The following EPHA6 variants were observed in gnomAD, a reference collection of about 807,000 sequenced individuals.
The protein encoded by EPHA6 is EPH receptor A6.
A neutral mutation model predicts 112.0 loss-of-function variants in EPHA6; 50 were observed. The ratio of observed to expected loss-of-function variants is 0.45; its 90% CI spans 0.36 to 0.56. The LOEUF is 0.56. EPHA6 is among the 20% of genes least tolerant of loss of function. The probability of loss-of-function intolerance (pLI) is 0.00; values close to 1 mark genes in which losing one functional copy is unlikely to be tolerated. For synonymous variants in EPHA6, 529 were observed against 490.7 expected (o/e 1.08, Z -1.03); for missense variants, 1,280 against 1,417.4 (o/e 0.90, Z 1.56).
At chr3:97,182,004 G>A (rs1559779804) in intron 3 of EPHA6, among the ~76,000 whole-genome samples, 1 of 151,922 alleles carries the variant, frequency 6.6e-6, no homozygotes, top group African/African-American at 2.4e-5. Context: ...ATTTAAACTT[G>A]GAATGGAGAA....
chr3:97,302,427 A>C (rs1437053226), intron 5 of EPHA6, among the ~76,000 whole-genome samples: 1 of 150,982 alleles, frequency 6.6e-6, no homozygotes, highest in East Asian at 1.9e-4. Context: ...CTAAAGCCTG[A>C]TGTCATTACA....
intron 10 of EPHA6, among the ~76,000 whole-genome samples, chr3:97,503,303 C>G (rs1453517073): frequency 6.6e-6 from 1 of 151,944 alleles, no homozygotes; most frequent in Non-Finnish European, 1.5e-5. Context: ...ACACATAGTT[C>G]CAAAAAACAG....
chr3:97,086,925 T>C (rs2046921479), intron 3 of EPHA6, among the ~76,000 whole-genome samples: 1 of 152,300 alleles, frequency 6.6e-6, no homozygotes, highest in Non-Finnish European at 1.5e-5. Context: ...TTAAATCATA[T>C]GCAATTATCA....
At chr3:97,576,061 G>A (rs1455970973) in intron 11 of EPHA6, among the ~76,000 whole-genome samples, 5 of 152,056 alleles carry the variant, frequency 3.3e-5, no homozygotes, top group Admixed American at 3.3e-4. Context: ...ACACAGTGTG[G>A]GGAGTGAAGG....
chr3:97,019,770 C>T (rs1358138468), intron 3 of EPHA6, among the ~76,000 whole-genome samples: 3 of 152,012 alleles, frequency 2.0e-5, no homozygotes, highest in Admixed American at 6.6e-5. Flanking sequence ...CATGTATATA[C>T]ACACAATATA....
intron 3 of EPHA6, among the ~76,000 whole-genome samples, chr3:97,131,332 C>T (rs774648336): frequency 2.0e-5 from 3 of 151,952 alleles, no homozygotes; most frequent in Admixed American, 6.6e-5. Context: ...ACTTAATACA[C>T]CCTTGTCAAT....
intron 10 of EPHA6, among the ~76,000 whole-genome samples, chr3:97,521,970 C>A (rs2092551209): frequency 1.3e-5 from 2 of 150,930 alleles, no homozygotes; most frequent in Admixed American, 1.3e-4. Flanking sequence ...GTTCCCTGGT[C>A]TGGAGTGCAG....
chr3:97,340,378 G>T (rs756667705), intron 5 of EPHA6, among the ~76,000 whole-genome samples: 35 of 152,086 alleles, frequency 2.3e-4, no homozygotes, highest in Non-Finnish European at 4.6e-4. Flanking sequence ...TGGAGGTTTG[G>T]TTTATATAAG....
At chr3:97,038,011 T>C (rs1302328924) in intron 3 of EPHA6, among the ~76,000 whole-genome samples, 1 of 151,938 alleles carries the variant, frequency 6.6e-6, no homozygotes, top group Non-Finnish European at 1.5e-5. Flanking sequence ...CCAAACATGT[T>C]TAAGGATTGC....
At chr3:97,292,708 G>A (rs748307597) in intron 5 of EPHA6, among the ~76,000 whole-genome samples, 5 of 151,422 alleles carry the variant, frequency 3.3e-5, no homozygotes, top group Admixed American at 1.3e-4. Context: ...GAGGAGACCC[G>A]TGGTAGGTAG....
intron 2 of EPHA6, among the ~76,000 whole-genome samples, chr3:96,953,109 T>A (rs2041618894): frequency 6.6e-6 from 1 of 152,196 alleles, no homozygotes; most frequent in Non-Finnish European, 1.5e-5. Flanking sequence ...TTATAGCCTA[T>A]GTTTTTCTCA....
intron 2 of EPHA6, among the ~76,000 whole-genome samples, chr3:96,982,169 C>G (rs1285426463): frequency 1.3e-5 from 2 of 152,128 alleles, no homozygotes; most frequent in African/African-American, 2.4e-5. Context: ...TTAGATCTTT[C>G]CTGCTTTCTC....
At chr3:97,607,028 GA>G (rs775299505) in intron 12 of EPHA6, among the ~76,000 whole-genome samples, 4 of 151,054 alleles carry the variant, frequency 2.6e-5, no homozygotes, top group African/African-American at 7.2e-5. Context: ...ATAGAGTTTT[GA>G]GGTTGTTGAG....
intron 14 of EPHA6, among the ~76,000 whole-genome samples, chr3:97,711,757 A>C (rs2033979746): frequency 6.6e-6 from 1 of 152,184 alleles, no homozygotes; most frequent in African/African-American, 2.4e-5. Context: ...TAATCTACTG[A>C]TTCAAATGCT....
chr3:96,814,622 G>A lies in EPHA6; in HGVS notation c.-2G>A. 1 of 1,451,830 alleles carries A rather than the reference G, an allele frequency of 6.9e-7. No homozygotes were observed. The highest frequency in any genetic ancestry group is 9.1e-7 in the Non-Finnish European group (1 of 1,101,628). The allele number at this position is 1,451,830 out of a possible 1,614,324, so 89.9% of individuals were successfully genotyped here. On this transcript the variant is annotated 5_prime_UTR_variant, in exon 1 of 18. Transcript: ENST00000389672. ...CCTCGCGCAAGCGGGACACTGTGGT[G>A]GATGCAATTCCCCTCGCCTCCAGCC...
intron 5 of EPHA6, among the ~76,000 whole-genome samples, chr3:97,383,517 C>A (rs1220633812): frequency 6.6e-6 from 1 of 152,006 alleles, no homozygotes; most frequent in Non-Finnish European, 1.5e-5. Context: ...CAATGGATGA[C>A]ATGAAATTTT....
At chr3:97,515,001 T>C (rs961658641) in intron 10 of EPHA6, among the ~76,000 whole-genome samples, 1 of 152,174 alleles carries the variant, frequency 6.6e-6, no homozygotes, top group African/African-American at 2.4e-5. Context: ...GACAATGAGA[T>C]GGTCCTTACA....
chr3:97,242,948 G>A (rs1369152687), intron 4 of EPHA6, among the ~76,000 whole-genome samples: 1 of 151,622 alleles, frequency 6.6e-6, no homozygotes, highest in African/African-American at 2.4e-5. Context: ...TTCACATATA[G>A]TACTTAGCAT....
Position 96,867,005 on chromosome 3 carries a change from C to G in EPHA6, c.450+116C>G, listed in dbSNP as rs996839951. On this transcript the variant is annotated intron_variant, in intron 2 of 17. Coordinates refer to ENST00000389672, the MANE Select transcript of EPHA6 (RefSeq NM_001080448.3). ...GTTATGAATTTTGACATATAACTTA[C>G]ATCCCATAGAAAAGGTTAAAATACA... is the stretch of plus-strand genomic sequence containing the variant. 8.0e-6 allele frequency: 4 copies of G among 500,830 alleles called. No homozygotes were observed. In the African/African-American group the frequency reaches 8.1e-5, roughly 10 times the overall value. The allele number at this position is 500,830 out of a possible 1,614,324, so 31.0% of individuals were successfully genotyped here. A position where few individuals can be genotyped will look rare whatever the true frequency, so the allele number is the denominator to read the frequency against.
Sources: allele counts gnomAD v4.1 joint callset (sites outside exome capture counted in the v4.1 genomes callset), GRCh38; gene constraint gnomAD v4.1.1; transcripts MANE v1.5; gene names NCBI Gene and HGNC (gene_info 2026-07-23, HGNC 2026-07-21).